The following SPATA6 variants were observed in gnomAD, a reference collection of about 807,000 sequenced individuals.
SPATA6 encodes spermatogenesis-associated protein 6.
SPATA6 carries 56 observed loss-of-function variants against 65.3 expected under a neutral mutation model. The observed-to-expected ratio is 0.86, with a 90% confidence interval of 0.69 to 1.07. The LOEUF is 1.07. SPATA6 is among the 50% of genes least tolerant of loss of function. The pLI, the probability that SPATA6 is intolerant of heterozygous loss-of-function variation, is 0.00. For missense variants in SPATA6, 590 were observed against 594.8 expected (o/e 0.99, Z 0.08); for synonymous variants, 199 against 213.2 (o/e 0.93, Z 0.58).
chr1:48,410,585 A>T (rs1317191606), intron 5 of SPATA6, among the ~76,000 whole-genome samples: 1 of 152,212 alleles, frequency 6.6e-6, no homozygotes, highest in Non-Finnish European at 1.5e-5. Flanking sequence ...TGGGTAATTT[A>T]TCAGGAAAGA....
intron 3 of SPATA6, among the ~76,000 whole-genome samples, chr1:48,442,717 TAAAAA>T (rs71056669): frequency 1.5e-4 from 7 of 46,218 alleles, no homozygotes; most frequent in African/African-American, 4.6e-4. Context: ...ATGGAAGTAG[TAAAAA>T]AAAAAAAAAA....
chr1:48,270,110 T>G, the SPATA6 span, among the ~76,000 whole-genome samples: 4 of 152,234 alleles, frequency 2.6e-5, no homozygotes, highest in South Asian at 2.1e-4. Context: ...CTTAAACTTG[T>G]GGTTACTCAG....
At chr1:48,385,629 G>A (rs1411841159) in intron 8 of SPATA6, among the ~76,000 whole-genome samples, 3 of 152,124 alleles carry the variant, frequency 2.0e-5, no homozygotes, top group Non-Finnish European at 2.9e-5. Flanking sequence ...ACCAATTTGT[G>A]TCTATGAAAT....
intron 11 of SPATA6, among the ~76,000 whole-genome samples, chr1:48,306,592 T>G (rs1645068137): frequency 6.6e-6 from 1 of 151,968 alleles, no homozygotes; most frequent in Non-Finnish European, 1.5e-5. Flanking sequence ...GCCAATATCC[T>G]TGTGTTCCTT....
chr1:48,280,440 A>C, the SPATA6 span, among the ~76,000 whole-genome samples: 1 of 152,294 alleles, frequency 6.6e-6, no homozygotes, highest in Non-Finnish European at 1.5e-5. Context: ...TGCTAGCAAG[A>C]CTAATAAAGA....
intron 1 of SPATA6, among the ~76,000 whole-genome samples, chr1:48,471,326 G>A (rs1222671497): frequency 6.6e-6 from 1 of 152,190 alleles, no homozygotes; most frequent in East Asian, 1.9e-4. Context: ...CTGGCACAAA[G>A]TCGGAAGGGT....
chr1:48,312,388 C>A (rs1309160536), intron 11 of SPATA6, among the ~76,000 whole-genome samples: 2 of 152,160 alleles, frequency 1.3e-5, no homozygotes, highest in Admixed American at 6.5e-5. Context: ...TTGCTGTTCA[C>A]CAAGATCCGC....
intron 12 of SPATA6, among the ~76,000 whole-genome samples, chr1:48,299,830 G>T (rs2148638135): frequency 6.6e-6 from 1 of 152,304 alleles, no homozygotes; most frequent in Admixed American, 6.5e-5. Flanking sequence ...CAGCTAGTAA[G>T]TGGCAAAATG....
intron 1 of SPATA6, among the ~76,000 whole-genome samples, chr1:48,457,966 C>T (rs1017382598): frequency 4.0e-5 from 6 of 149,876 alleles, no homozygotes; most frequent in African/African-American, 1.2e-4. Context: ...ATTTGTATGA[C>T]AATAATATAA....
At chr1:48,396,251 A>G (rs1650575776) in intron 7 of SPATA6, among the ~76,000 whole-genome samples, 2 of 151,716 alleles carry the variant, frequency 1.3e-5, no homozygotes, top group African/African-American at 4.8e-5. Context: ...GAAGATGTGA[A>G]TAACTTTGAA....
At chr1:48,283,697 A>AGAAAGAAAGAAAG in the SPATA6 span, among the ~76,000 whole-genome samples, 1,047 of 12,116 alleles carry the variant, frequency 0.086, 117 homozygotes, top group Non-Finnish European at 0.18. Flanking sequence ...AAAAAAAAAA[A>AGAAAGAAAGAAAG]AAAGAAAGAA....
chr1:48,343,425 A>G (rs1646273818), intron 11 of SPATA6, among the ~76,000 whole-genome samples: 1 of 152,204 alleles, frequency 6.6e-6, no homozygotes, highest in African/African-American at 2.4e-5. Flanking sequence ...TGAATGAACA[A>G]TGACATTAAG....
chr1:48,276,764 T>G, the SPATA6 span, among the ~76,000 whole-genome samples: 1 of 152,222 alleles, frequency 6.6e-6, no homozygotes, highest in Non-Finnish European at 1.5e-5. Flanking sequence ...TGTGGTCAAT[T>G]TTAGAATGAG....
chr1:48,400,811 GTTC>G, intron 6 of SPATA6: 1 of 1,295,118 alleles, frequency 7.7e-7, no homozygotes, highest in Non-Finnish European at 1.0e-6. Context: ...TTCTTCTGTA[GTTC>G]ATGGTATGCT....
chr1:48,433,730 C>T lies in SPATA6; in HGVS notation c.238+17822G>A, dbSNP rs1413783580. 2.6e-5 allele frequency among the ~76,000 whole-genome samples: 4 copies of T among 152,208 alleles called. No homozygotes were observed. The East Asian group carries it at 7.7e-4, about 29-fold the overall frequency. On this transcript the variant is annotated intron_variant, in intron 3 of 12. Transcript: ENST00000371847. ...TTTGAATATATTTGTTATATAAATCCTTAGTCCTACAAGCTCTCCTGAGGA... is the reference window on the plus strand; with the variant it reads ...TTTGAATATATTTGTTATATAAATCTTTAGTCCTACAAGCTCTCCTGAGGA...
intron 1 of SPATA6, among the ~76,000 whole-genome samples, chr1:48,453,813 G>A (rs1267724668): frequency 6.6e-6 from 1 of 151,604 alleles, no homozygotes; most frequent in Non-Finnish European, 1.5e-5. Context: ...AGTAGGTTCT[G>A]GAGAAAAAGT....
chr1:48,339,019 A>T (rs1052462515), intron 11 of SPATA6, among the ~76,000 whole-genome samples: 4 of 152,036 alleles, frequency 2.6e-5, no homozygotes, highest in Non-Finnish European at 4.4e-5. Context: ...GCAGAGACAC[A>T]GTGACAAAAC....
intron 1 of SPATA6, among the ~76,000 whole-genome samples, chr1:48,466,263 T>A (rs1657800187): frequency 6.6e-6 from 1 of 152,094 alleles, no homozygotes; most frequent in Non-Finnish European, 1.5e-5. Flanking sequence ...ACATATACCA[T>A]TTTATACTAA....
intron 9 of SPATA6, among the ~76,000 whole-genome samples, chr1:48,363,026 A>G (rs952059906): frequency 6.6e-6 from 1 of 152,128 alleles, no homozygotes; most frequent in Admixed American, 6.6e-5. Flanking sequence ...TACAATACAG[A>G]ATATAAGACG....
Sources: gnomAD v4.1 joint callset for allele counts (sites outside exome capture counted in the v4.1 genomes callset) on GRCh38, gnomAD v4.1.1 for gene constraint, MANE v1.5 for transcripts, NCBI Gene and HGNC (gene_info 2026-07-23, HGNC 2026-07-21) for gene names.